Variants in TENM2 observed in about 807,000 individuals in gnomAD.
TENM2 encodes the protein teneurin-2.
In TENM2, 52 loss-of-function variants were observed where a neutral mutation model predicts 245.2. That is an observed-to-expected ratio of 0.21 (90% confidence interval 0.17 to 0.27). TENM2 has a LOEUF of 0.27. Among genes scored for constraint, TENM2 ranks in the 10% least tolerant of loss-of-function variants. TENM2 has a pLI of 1.00. For synonymous variants in TENM2, 1,363 were observed against 1,438.9 expected, an observed-to-expected ratio of 0.95 and a Z score of 1.19; for missense variants, 3,046 against 3,666.8, an observed-to-expected ratio of 0.83 and a Z score of 4.37.
At chr5:166,995,814 C>CAAAA in the TENM2 span, among the ~76,000 whole-genome samples, 15 of 59,264 alleles carry the variant, frequency 2.5e-4, no homozygotes, top group African/African-American at 7.2e-4. Context: ...GACTCCATCT[C>CAAAA]AAAAAAAAAA....
intron 5 of TENM2, among the ~76,000 whole-genome samples, chr5:168,003,306 A>AC (rs1562038456): frequency 0.02 from 1,800 of 90,556 alleles, 37 homozygotes; most frequent in African/African-American, 0.12. Context: ...TTTAAGAAAA[A>AC]ACACACACAC....
the TENM2 span, among the ~76,000 whole-genome samples, chr5:167,023,366 T>C: frequency 3.9e-5 from 6 of 152,226 alleles, no homozygotes; most frequent in African/African-American, 1.4e-4. Flanking sequence ...GCTCACATTA[T>C]ACCTGTCACA....
chr5:168,004,569 G>A lies in TENM2; in HGVS notation c.1186+11387G>A, dbSNP rs144442638. On this transcript the variant is annotated intron_variant, in intron 5 of 28. Coordinates refer to ENST00000518659, the Ensembl canonical transcript of TENM2. ...CACACACACACACACCACTATCCCC[G>A]CTGACCCTGCTTCAAAAATGCCAAT... Among the ~76,000 whole-genome samples, 39 of 148,150 alleles carry A rather than the reference G, an allele frequency of 2.6e-4. No homozygotes were observed. The East Asian group carries it at 5.9e-3, about 22-fold the overall frequency.
intron 2 of TENM2, among the ~76,000 whole-genome samples, chr5:167,640,600 C>T (rs573867836): frequency 5.0e-4 from 68 of 137,350 alleles, no homozygotes; most frequent in Non-Finnish European, 8.5e-4. Flanking sequence ...CCTGGGTAAA[C>T]GAGAGCGAAA....
chr5:167,311,580 A>G (rs1208143961), intron 1 of TENM2, among the ~76,000 whole-genome samples: 1 of 152,186 alleles, frequency 6.6e-6, no homozygotes, highest in African/African-American at 2.4e-5. Context: ...CTTTTTCCCA[A>G]TGGAATTTTA....
chr5:168,002,700 ACT>A (rs1784503045), intron 5 of TENM2, among the ~76,000 whole-genome samples: 1 of 152,046 alleles, frequency 6.6e-6, no homozygotes. Context: ...ATGAGTTAAG[ACT>A]CTTTTTCCCG....
rs541247173 is a variant in TENM2 at position 167,472,234 on chromosome 5, G to A, written c.502+96761G>A. ...TTTTAAAAATGAGAGTTGTGAGAGA[G>A]AACCTTAAAGGAAACATCTTAAAAG... On this transcript the variant is annotated intron_variant, in intron 2 of 28. Coordinates refer to ENST00000518659, the Ensembl canonical transcript of TENM2. Among the ~76,000 whole-genome samples, 81 of 152,226 alleles carry A rather than the reference G, an allele frequency of 5.3e-4. 1 individual carries two copies. In the South Asian group the frequency reaches 8.1e-3, roughly 15 times the overall value.
intron 12 of TENM2, among the ~76,000 whole-genome samples, chr5:168,147,186 C>T (rs190440302): frequency 2.0e-5 from 3 of 152,338 alleles, no homozygotes; most frequent in Admixed American, 6.5e-5. Flanking sequence ...TCAGAGTTAG[C>T]GTTCTCGCAG....
At chr5:167,847,366 C>T (rs1028745567) in intron 2 of TENM2, among the ~76,000 whole-genome samples, 11 of 152,218 alleles carry the variant, frequency 7.2e-5, no homozygotes, top group African/African-American at 2.7e-4. Flanking sequence ...CAAGAAAGCC[C>T]ATTTCATTTG....
At chr5:168,003,747 C>A (rs373952070) in intron 5 of TENM2, among the ~76,000 whole-genome samples, 8 of 152,146 alleles carry the variant, frequency 5.3e-5, no homozygotes, top group African/African-American at 1.2e-4. Flanking sequence ...CAACAGTGGG[C>A]AGCTCAACAT....
chr5:167,420,616 T>A (rs1441014005), intron 2 of TENM2, among the ~76,000 whole-genome samples: 1 of 152,202 alleles, frequency 6.6e-6, no homozygotes, highest in African/African-American at 2.4e-5. Context: ...TCATGTCTAA[T>A]GTTGTCTCCT....
intron 2 of TENM2, among the ~76,000 whole-genome samples, chr5:167,784,122 T>C (rs1181381843): frequency 1.3e-5 from 2 of 152,344 alleles, no homozygotes; most frequent in East Asian, 3.9e-4. Flanking sequence ...AGTGTCATCG[T>C]TGCAGCAACA....
At chr5:167,017,675 A>G in the TENM2 span, among the ~76,000 whole-genome samples, 1 of 152,206 alleles carries the variant, frequency 6.6e-6, no homozygotes, top group Non-Finnish European at 1.5e-5. Context: ...TATTGGACAC[A>G]TCATAGATTT....
the TENM2 span, among the ~76,000 whole-genome samples, chr5:167,152,885 T>C: frequency 6.6e-6 from 1 of 152,124 alleles, no homozygotes; most frequent in Non-Finnish European, 1.5e-5. Context: ...TCACGTAGTA[T>C]TTTTGGACCA....
intron 2 of TENM2, among the ~76,000 whole-genome samples, chr5:167,558,374 TTAAGA>T (rs1446651896): frequency 6.6e-6 from 1 of 152,212 alleles, no homozygotes; most frequent in African/African-American, 2.4e-5. Context: ...ATATTGTTAC[TTAAGA>T]TGAGGCCAAA....
intron 1 of TENM2, among the ~76,000 whole-genome samples, chr5:167,313,791 T>C (rs761422239): frequency 8.5e-5 from 13 of 152,180 alleles, no homozygotes; most frequent in Non-Finnish European, 1.6e-4. Flanking sequence ...CTTGAATATA[T>C]GTAGTCATTT....
the TENM2 span, among the ~76,000 whole-genome samples, chr5:167,274,223 C>T: frequency 5.9e-5 from 9 of 152,090 alleles, no homozygotes; most frequent in Non-Finnish European, 1.2e-4. Context: ...TTTGTGATTT[C>T]CAGAATGTTA....
chr5:167,722,538 G>A (rs1018706293), intron 2 of TENM2, among the ~76,000 whole-genome samples: 1 of 151,966 alleles, frequency 6.6e-6, no homozygotes, highest in South Asian at 2.1e-4. Context: ...GGGTGAAAAA[G>A]AAAAAGGGAT....
At chr5:167,276,188 A>G in the TENM2 span, among the ~76,000 whole-genome samples, 2 of 151,570 alleles carry the variant, frequency 1.3e-5, no homozygotes, top group East Asian at 1.9e-4. Flanking sequence ...TTCTTTTTGT[A>G]CTATCTTTGT....
Sources: allele counts gnomAD v4.1 joint callset (sites outside exome capture counted in the v4.1 genomes callset), GRCh38; gene constraint gnomAD v4.1.1; transcripts MANE v1.5; gene names NCBI Gene and HGNC (gene_info 2026-07-23, HGNC 2026-07-21).